The following DMD variants were observed in gnomAD, a reference collection of about 807,000 sequenced individuals.
DMD encodes the protein mutant dystrophin.
Under a neutral mutation model 330.1 loss-of-function variants are expected in DMD, and 63 were observed. The observed-to-expected ratio is 0.19, with a 90% confidence interval of 0.16 to 0.24. The LOEUF (loss-of-function observed/expected upper bound fraction) is 0.24. DMD is among the 10% of genes least tolerant of loss of function. The pLI, the probability that DMD is intolerant of heterozygous loss-of-function variation, is 1.00. For synonymous variants in DMD, 1,223 were observed against 959.8 expected, an observed-to-expected ratio of 1.27 and a Z score of -5.07; for missense variants, 3,344 against 2,684.1, an observed-to-expected ratio of 1.25 and a Z score of -5.43.
At chrX:33,124,157 C>T (rs1429816181) in intron 1 of DMD, among the ~76,000 whole-genome samples, 1 of 104,646 alleles carries the variant, frequency 9.6e-6, no homozygotes, top group Non-Finnish European at 2.0e-5. Flanking sequence ...CAGAGGGAGA[C>T]GCTGTCTCAA....
intron 7 of DMD, among the ~76,000 whole-genome samples, chrX:32,734,645 C>G (rs1412640777): frequency 1.9e-5 from 2 of 107,877 alleles, no homozygotes; most frequent in African/African-American, 3.5e-5. Flanking sequence ...AGCATATAAA[C>G]AGAGCCAAAG....
rs2148312424 is a variant in DMD, at chrX:31,180,491, A to G, written c.9975-10T>C. 9.2e-7 allele frequency: 1 copy of G among 1,084,498 alleles called. No individual in the cohort carries two copies. The highest frequency in any genetic ancestry group is 1.8e-5 in the South Asian group (1 of 54,153). The allele number at this position is 1,084,498 out of a possible 1,213,427, so 89.4% of individuals were successfully genotyped here. ...CTTTAGACTCCTGTACCTGATAAAG[A>G]GCAAAAACAAACACGTATGTATTTC... On this transcript the variant is annotated splice_polypyrimidine_tract_variant and intron_variant, in intron 68 of 78. Transcript: ENST00000357033.
intron 29 of DMD, among the ~76,000 whole-genome samples, chrX:32,423,783 T>C (rs1373634357): frequency 9.0e-6 from 1 of 110,693 alleles, no homozygotes; most frequent in Non-Finnish European, 1.9e-5. Context: ...ATGTACTCTT[T>C]CAGTTCCTGT....
intron 60 of DMD, among the ~76,000 whole-genome samples, chrX:31,443,557 T>C (rs903232079): frequency 1.8e-5 from 2 of 110,953 alleles, no homozygotes; most frequent in Non-Finnish European, 3.8e-5. Flanking sequence ...TTTTTTTTTT[T>C]TGATGAAAGA....
At chrX:33,190,857 ATAATATT>A (rs1388987894) in intron 1 of DMD, among the ~76,000 whole-genome samples, 2 of 9,530 alleles carry the variant, frequency 2.1e-4, no homozygotes, top group Non-Finnish European at 8.2e-4. Flanking sequence ...TATATAATAT[ATAATATT>A]ATATATATAT....
At chrX:32,515,292 T>C (rs2045748970) in intron 18 of DMD, among the ~76,000 whole-genome samples, 1 of 110,926 alleles carries the variant, frequency 9.0e-6, no homozygotes, top group Non-Finnish European at 1.9e-5. Flanking sequence ...AAATATAGAC[T>C]CGAGGTACCT....
At chrX:32,059,285 T>C (rs922782953) in intron 44 of DMD, among the ~76,000 whole-genome samples, 1 of 111,597 alleles carries the variant, frequency 9.0e-6, no homozygotes, top group Non-Finnish European at 1.9e-5. Context: ...AACATCTTTT[T>C]CAACACATAC....
chrX:31,530,411 T>G (rs1299026189), intron 55 of DMD, among the ~76,000 whole-genome samples: 1 of 111,817 alleles, frequency 8.9e-6, no homozygotes, highest in Non-Finnish European at 1.9e-5. Context: ...TGGGAGCTCC[T>G]AAGGGCTGGG....
intron 50 of DMD, among the ~76,000 whole-genome samples, chrX:31,783,662 T>C (rs1410153202): frequency 1.8e-5 from 2 of 110,993 alleles, no homozygotes; most frequent in African/African-American, 6.5e-5. Context: ...TCTCGTTCTC[T>C]CTCTAAATAT....
chrX:32,706,231 T>G (rs866502688), intron 7 of DMD, among the ~76,000 whole-genome samples: 8 of 22,356 alleles, frequency 3.6e-4, no homozygotes, highest in Admixed American at 1.6e-3. Flanking sequence ...TGTTGTGGGG[T>G]GGGGGGAGTG....
At chrX:32,354,735 G>A (rs1488086562) in intron 37 of DMD, among the ~76,000 whole-genome samples, 1 of 111,209 alleles carries the variant, frequency 9.0e-6, no homozygotes, top group Admixed American at 9.6e-5. Flanking sequence ...GTGAAAATGT[G>A]ACTAATTTGT....
At chrX:32,928,613 A>AT (rs1325848105) in intron 2 of DMD, among the ~76,000 whole-genome samples, 3 of 112,143 alleles carry the variant, frequency 2.7e-5, no homozygotes, top group Non-Finnish European at 1.9e-5. Flanking sequence ...CTACTTACAG[A>AT]TGTAAAACTT....
chrX:32,416,722 A>G (rs1432537109), intron 29 of DMD, among the ~76,000 whole-genome samples: 3 of 111,637 alleles, frequency 2.7e-5, no homozygotes, highest in Non-Finnish European at 5.6e-5. Flanking sequence ...GTCCTGCAAG[A>G]GATGTGCTAA....
Position 32,167,474 on chromosome X carries a change from C to G in DMD, c.6438+49442G>C, listed in dbSNP as rs750354803. On this transcript the variant is annotated intron_variant, in intron 44 of 78. Coordinates refer to ENST00000357033, the MANE Select transcript of DMD (RefSeq NM_004006.3). ...TGTGACTTGGAGATGATCATTGAGACTACCCACCAGGATTGTTTTAGGATT... is the reference window on the plus strand; with the variant it reads ...TGTGACTTGGAGATGATCATTGAGAGTACCCACCAGGATTGTTTTAGGATT... Among the ~76,000 whole-genome samples the G allele has an allele frequency of 4.3e-4, 48 of 111,861 alleles. 1 individual carries two copies. In the South Asian group the frequency reaches 5.9e-3, roughly 14 times the overall value.
At chrX:31,163,300 A>G (rs2039059255) in intron 74 of DMD, among the ~76,000 whole-genome samples, 1 of 111,376 alleles carries the variant, frequency 9.0e-6, no homozygotes. Context: ...ATGGTTTTAA[A>G]AAGGGCAGTT....
chrX:31,706,252 G>A (rs1326037928), intron 52 of DMD, among the ~76,000 whole-genome samples: 1 of 110,226 alleles, frequency 9.1e-6, no homozygotes, highest in Non-Finnish European at 1.9e-5. Context: ...AAAGTAGGAG[G>A]TTGAGTAAAA....
At chrX:31,824,177 T>C (rs2092838065) in intron 49 of DMD, among the ~76,000 whole-genome samples, 2 of 112,447 alleles carry the variant, frequency 1.8e-5, no homozygotes, top group South Asian at 7.3e-4. Flanking sequence ...AGAAAGTTTG[T>C]TGCTGCATTG....
chrX:31,696,348 C>A (rs1449245739), intron 52 of DMD, among the ~76,000 whole-genome samples: 1 of 111,879 alleles, frequency 8.9e-6, no homozygotes, highest in African/African-American at 3.2e-5. Context: ...ATGAATCTCA[C>A]AAACATATTG....
intron 1 of DMD, among the ~76,000 whole-genome samples, chrX:33,222,413 C>T (rs1278557457): frequency 4.5e-5 from 5 of 112,179 alleles, no homozygotes; most frequent in Non-Finnish European, 9.4e-5. Flanking sequence ...TAAACAACAT[C>T]TACATAAACC....
Sources: allele counts gnomAD v4.1 joint callset (sites outside exome capture counted in the v4.1 genomes callset), GRCh38; gene constraint gnomAD v4.1.1; transcripts MANE v1.5; gene names NCBI Gene and HGNC (gene_info 2026-07-23, HGNC 2026-07-21).